The following ELAC2 variants were observed in gnomAD, a reference collection of about 807,000 sequenced individuals.
ELAC2 encodes the protein elaC ribonuclease Z 2, also known as zinc phosphodiesterase ELAC protein 2.
A neutral mutation model predicts 105.2 loss-of-function variants in ELAC2; 92 were observed. That is an observed-to-expected ratio of 0.87 (90% CI 0.74 to 1.04). ELAC2 has a LOEUF of 1.04. Ranked by LOEUF, ELAC2 falls within the 50% of genes least tolerant of loss-of-function variation. ELAC2 has a pLI of 0.00. For synonymous variants in ELAC2, 468 were observed against 409.1 expected, an observed-to-expected ratio of 1.14 and a Z score of -1.74; for missense variants, 1,099 against 1,071.7, an observed-to-expected ratio of 1.03 and a Z score of -0.36.
intron 15 of ELAC2, among the ~76,000 whole-genome samples, chr17:12,999,935 G>A (rs891345372): frequency 3.9e-5 from 6 of 152,336 alleles, no homozygotes; most frequent in African/African-American, 1.2e-4. Flanking sequence ...GGGATTACAG[G>A]TGTGAGCCAC....
chr17:13,009,845 T>C (rs558938379), intron 8 of ELAC2, among the ~76,000 whole-genome samples: 2 of 152,084 alleles, frequency 1.3e-5, no homozygotes, highest in East Asian at 3.9e-4. Flanking sequence ...AAAAATTAAC[T>C]GGGTGTGGTG....
At chr17:13,005,584 T>A (rs758259107) in intron 10 of ELAC2, among the ~76,000 whole-genome samples, 169 bp downstream of exon 10, 1 of 152,164 alleles carries the variant, frequency 6.6e-6, no homozygotes. Context: ...CGTGTTGACA[T>A]GCGGGACAAA....
At chr17:13,009,787 G>A (rs929530672) in intron 8 of ELAC2, among the ~76,000 whole-genome samples, 1 of 152,088 alleles carries the variant, frequency 6.6e-6, no homozygotes, top group Admixed American at 6.5e-5. Context: ...GGTCAGGAGT[G>A]AAACCAGCCT....
rs2040702235 is a variant in ELAC2 at position 13,000,151 on chromosome 17, C to T, written c.1423+5G>A. The T allele has an allele frequency of 5.0e-6, 8 of 1,612,876 alleles. No individual in the cohort carries two copies. Among genetic ancestry groups the T allele is most frequent in the Non-Finnish European group, 6.8e-6 (8 of 1,179,712 alleles). ...AGAAAGGCTGCTCTGTGGGCTCCCACTCACCTGCTGGGGCTGGGCCGTCCT... is the reference window on the plus strand; with the variant it reads ...AGAAAGGCTGCTCTGTGGGCTCCCATTCACCTGCTGGGGCTGGGCCGTCCT... On this transcript the variant is annotated splice_donor_5th_base_variant and intron_variant, in intron 15 of 23. Coordinates refer to ENST00000338034, the MANE Select transcript of ELAC2 (RefSeq NM_018127.7).
chr17:12,994,196 T>C (rs1416070238), intron 22 of ELAC2, among the ~76,000 whole-genome samples: 2 of 152,196 alleles, frequency 1.3e-5, no homozygotes, highest in Non-Finnish European at 1.5e-5. Flanking sequence ...TCAGCCGATT[T>C]CTAGATGCTT....
intron 11 of ELAC2, 95 bp from the exon 12 acceptor site, chr17:13,003,669 T>G: frequency 9.5e-7 from 1 of 1,054,356 alleles, no homozygotes; most frequent in Non-Finnish European, 1.5e-6. Flanking sequence ...TGCGGCCCTC[T>G]GCAGCACTGC....
intron 15 of ELAC2, among the ~76,000 whole-genome samples, chr17:12,999,545 G>A (rs1318789111): frequency 6.6e-6 from 1 of 152,276 alleles, no homozygotes; most frequent in Non-Finnish European, 1.5e-5. Flanking sequence ...CCAAGTCCCT[G>A]CTCAGAGCTC....
chr17:13,016,886 A>T lies in ELAC2; in HGVS notation c.343T>A (p.Trp115Arg), dbSNP rs201964807. Residue 115 changes from tryptophan (W) to arginine (R), a missense_variant, in exon 3 of 24, where the codon TGG becomes AGG. Trp to Arg is a moderately radical substitution (Grantham distance 101). Transcript: ENST00000338034. ...CCACTTAAGCCCCCAACATTAGACCAGTGCATTCGTGTCAGGAATATGTTG... is the reference window on the plus strand; with the variant it reads ...CCACTTAAGCCCCCAACATTAGACCTGTGCATTCGTGTCAGGAATATGTTG... ...LDNIFLTRMH[W>R]SNVGGLSGMI... The T allele has an allele frequency of 6.2e-7, 1 of 1,614,194 alleles. No homozygotes were observed. Among genetic ancestry groups the T allele is most frequent in the East Asian group, 2.2e-5 (1 of 44,884 alleles).
rs201492087 is a variant in ELAC2 at position 13,003,619 on chromosome 17, C to A, written c.984-45G>T. On this transcript the variant is annotated intron_variant, in intron 11 of 23. Transcript: ENST00000338034. Reference sequence around the variant, plus strand: ...TTTACAAAGTGATGCAGACTCAGGACACACCAAGACAGGGACCACGCAGCC... The same window carrying A: ...TTTACAAAGTGATGCAGACTCAGGAAACACCAAGACAGGGACCACGCAGCC... 7 of 1,565,304 alleles carry A rather than the reference C, an allele frequency of 4.5e-6. No individual in the cohort carries two copies. The African/African-American group carries it at 9.5e-5, about 21-fold the overall frequency.
chr17:13,013,279 C>A lies in ELAC2; in HGVS notation c.491-4G>T, dbSNP rs1380789202. 7.4e-6 allele frequency: 12 copies of A among 1,613,664 alleles called. No individual in the cohort carries two copies. Among genetic ancestry groups the A allele is most frequent in the Non-Finnish European group, 1.0e-5 (12 of 1,179,908 alleles). On this transcript the variant is annotated splice_region_variant and splice_polypyrimidine_tract_variant and intron_variant, in intron 5 of 23. Coordinates refer to ENST00000338034, the MANE Select transcript of ELAC2 (RefSeq NM_018127.7). ...GGGGCAGAGTGGGGCCGCACAGCTA[C>A]AAGAAAACCACACAACAGCAAAGTG...
chr17:12,993,663 G>C, intron 23 of ELAC2, 24 bp downstream of exon 23: 1 of 1,614,008 alleles, frequency 6.2e-7, no homozygotes, highest in South Asian at 1.1e-5. Flanking sequence ...TCCCCGCCCT[G>C]TGCTGTCCGT....
chr17:13,016,954 A>C (rs2041765691), intron 2 of ELAC2, 22 bp from the exon 3 acceptor site: 1 of 1,613,670 alleles, frequency 6.2e-7, no homozygotes, highest in Non-Finnish European at 8.5e-7. Flanking sequence ...AAAACATTTA[A>C]ACAGGATAAC....
intron 22 of ELAC2, 97 bp from the exon 23 acceptor site, chr17:12,993,928 C>G (rs775400171): frequency 6.3e-7 from 1 of 1,576,170 alleles, no homozygotes. Context: ...GCCAGGGCAC[C>G]CGGGGAAGCT....
chr17:12,995,895 T>C (rs769791604), intron 18 of ELAC2, 45 bp downstream of exon 18: 14 of 1,585,596 alleles, frequency 8.8e-6, no homozygotes, highest in Non-Finnish European at 1.1e-5. Flanking sequence ...GCGGATGATG[T>C]GTAAACCGCT....
chr17:13,008,286 C>T (rs56271362), intron 8 of ELAC2, among the ~76,000 whole-genome samples: 41,875 of 151,796 alleles, frequency 0.28, 5,948 homozygotes, highest in Middle Eastern at 0.33. Flanking sequence ...CCAAGGCAGG[C>T]GGATCAGGAA....
At position 12,994,799 on chromosome 17, in the gene ELAC2, C is replaced by G. The variant is rs1355862089; in HGVS notation, c.1994G>C (p.Gly665Ala). 2 of 1,613,902 alleles carry G rather than the reference C, an allele frequency of 1.2e-6. No homozygotes were observed. Among genetic ancestry groups the G allele is most frequent in the Non-Finnish European group, 1.7e-6 (2 of 1,180,056 alleles). The change falls in exon 21 of 24, where the codon GGG (glycine) becomes GCG (alanine). Residue 665 changes from glycine to alanine, a missense_variant. Gly to Ala is a moderately conservative substitution (Grantham distance 60, BLOSUM62 0). Coordinates refer to ENST00000338034, the MANE Select transcript of ELAC2 (RefSeq NM_018127.7). Reference sequence around the variant, plus strand: ...CAGAGCCTCGCAGGGCATGGTGTCCCCGGAATAGACCACTTTCCAGCCAGA... The same window carrying G: ...CAGAGCCTCGCAGGGCATGGTGTCCGCGGAATAGACCACTTTCCAGCCAGA... The part of the protein sequence containing the change: ...HTSGWKVVYS[G>A]DTMPCEALVR...
chr17:13,006,760 C>G (rs1331524305), intron 8 of ELAC2, among the ~76,000 whole-genome samples: 1 of 152,128 alleles, frequency 6.6e-6, no homozygotes, highest in Non-Finnish European at 1.5e-5. Context: ...ATTTTTATTT[C>G]TCTTGTATTT....
At chr17:12,996,163 G>C in intron 17 of ELAC2, 185 bp from the exon 18 acceptor site, 1 of 738,680 alleles carries the variant, frequency 1.4e-6, no homozygotes, top group Non-Finnish European at 2.3e-6. Flanking sequence ...GTCACAGGCA[G>C]AAAGCGACAC....
chr17:13,000,880 T>A (rs1372692756), intron 14 of ELAC2: 1 of 167,230 alleles, frequency 6.0e-6, no homozygotes, highest in East Asian at 1.6e-4. Flanking sequence ...CAAGCCTAAC[T>A]CTCAAGATTC....
Sources: allele counts gnomAD v4.1 joint callset (sites outside exome capture counted in the v4.1 genomes callset), GRCh38; gene constraint gnomAD v4.1.1; transcripts MANE v1.5; gene names NCBI Gene and HGNC (gene_info 2026-07-23, HGNC 2026-07-21).